ZNF35: variants seen among roughly 807,000 people sequenced by gnomAD.
The protein encoded by ZNF35 is zinc finger protein 35.
In ZNF35, 31 loss-of-function variants were observed where a neutral mutation model predicts 45.9. The observed-to-expected ratio is 0.68, with a 90% CI of 0.51 to 0.91. The LOEUF is 0.91. ZNF35 is among the 40% of genes least tolerant of loss of function. The pLI, the probability that ZNF35 is intolerant of heterozygous loss-of-function variation, is 0.00. For missense variants in ZNF35, 515 were observed against 625.4 expected, an observed-to-expected ratio of 0.82 and a Z score of 1.88; for synonymous variants, 205 against 220.2, an observed-to-expected ratio of 0.93 and a Z score of 0.61.
At chr3:44,658,045 G>A (rs1405660122) in intron 3 of ZNF35, among the ~76,000 whole-genome samples, 1 of 152,172 alleles carries the variant, frequency 6.6e-6, no homozygotes, top group South Asian at 2.1e-4. Context: ...GCTAGTTAGT[G>A]TCAGAGCAGA....
At position 44,653,536 on chromosome 3, in the gene ZNF35, A is replaced by G. The variant is rs149684765; in HGVS notation, c.337+835A>G. Among the ~76,000 whole-genome samples, 486 of 152,354 alleles carry G rather than the reference A, an allele frequency of 3.2e-3. 1 individual carries two copies. Among genetic ancestry groups the G allele is most frequent in the Middle Eastern group, 6.8e-3 (2 of 294 alleles). On this transcript the variant is annotated intron_variant, in intron 3 of 3. Coordinates refer to ENST00000396056, the MANE Select transcript of ZNF35 (RefSeq NM_003420.4). ...GCCTGCAAGAGATGCTAGCCGAGGT[A>G]GGAACAGTCAACTTTTGTGGTGATT...
intron 3 of ZNF35, among the ~76,000 whole-genome samples, chr3:44,658,031 T>C (rs1044492010): frequency 6.6e-6 from 1 of 152,180 alleles, no homozygotes; most frequent in African/African-American, 2.4e-5. Context: ...CCCAAAGTCA[T>C]GGAGCTAGTT....
chr3:44,655,083 A>C (rs1438012678), intron 3 of ZNF35, among the ~76,000 whole-genome samples: 1 of 152,184 alleles, frequency 6.6e-6, no homozygotes, highest in East Asian at 1.9e-4. Flanking sequence ...GCAGTGAGCC[A>C]AGATTGCACC....
At chr3:44,649,609 G>A (rs1048400714) in intron 1 of ZNF35, among the ~76,000 whole-genome samples, 1 of 152,058 alleles carries the variant, frequency 6.6e-6, no homozygotes, top group African/African-American at 2.4e-5. Context: ...AATTAGTGGG[G>A]GTGTGAATTG....
rs567672792 is a variant in ZNF35, at chr3:44,657,210, A to G, written c.338-1491A>G. On this transcript the variant is annotated intron_variant, in intron 3 of 3. Coordinates refer to ENST00000396056, the MANE Select transcript of ZNF35 (RefSeq NM_003420.4). ...CATCCTTGTCCCACCCACTCATATC[A>G]TTGGTTGGATGGTCATCCTATAGAA... Among the ~76,000 whole-genome samples, 53 of 152,150 alleles carry G rather than the reference A, an allele frequency of 3.5e-4. 1 individual carries two copies. Among genetic ancestry groups the G allele is most frequent in the African/African-American group, 8.9e-4 (37 of 41,482 alleles).
Position 44,659,214 on chromosome 3 carries a change from G to A in ZNF35, c.851G>A (p.Gly284Glu), listed in dbSNP as rs775628848. Residue 284 changes from glycine to glutamate, a missense_variant, in exon 4 of 4, where the codon GGG (glycine) becomes GAG (glutamate). Transcript: ENST00000396056. The surrounding 1 kb of genome is among the most constrained non-coding windows in gnomAD (Gnocchi z 4.3). ...GQKPYVCSKC[G>E]KAFTQSSNLT... ...AAACCTTATGTTTGCTCAAAATGTG[G>A]GAAAGCCTTCACTCAGAGTTCAAAT... 1 of 1,614,110 alleles carries A rather than the reference G, an allele frequency of 6.2e-7. No homozygotes were observed. Among genetic ancestry groups the A allele is most frequent in the South Asian group, 1.1e-5 (1 of 91,072 alleles).
upstream of ZNF35, chr3:44,648,288 A>T (rs569009884): frequency 8.5e-5 from 13 of 152,292 alleles, 2 homozygotes; most frequent in South Asian, 2.7e-3. Flanking sequence ...AAGTATTTGG[A>T]ATGAAGTGTT....
chr3:44,653,348 T>G (rs899470121), intron 3 of ZNF35, among the ~76,000 whole-genome samples: 3 of 152,224 alleles, frequency 2.0e-5, no homozygotes, highest in African/African-American at 7.2e-5. Flanking sequence ...AGGATCATTC[T>G]CAGGGTATGC....
intron 2 of ZNF35, among the ~76,000 whole-genome samples, chr3:44,651,928 C>G (rs553212032): frequency 5.3e-5 from 8 of 151,832 alleles, no homozygotes; most frequent in African/African-American, 1.9e-4. Flanking sequence ...ACAATGCTAA[C>G]CAGAGCTTCT....
chr3:44,652,556 G>T lies in ZNF35; in HGVS notation c.193-1G>T. On this transcript the variant is annotated splice_acceptor_variant, in intron 2 of 3. Transcript: ENST00000396056. LOFTEE classifies it high-confidence loss of function. ...TTAAACATGTGCCTGCTTGTCTCTA[G>T]GGTCAGAACATATCCTGGGATATGG... 1 of 1,579,420 alleles carries T rather than the reference G, an allele frequency of 6.3e-7. No homozygotes were observed. Among genetic ancestry groups the T allele is most frequent in the South Asian group, 1.2e-5 (1 of 84,810 alleles).
intron 3 of ZNF35, among the ~76,000 whole-genome samples, chr3:44,655,708 G>C (rs1421102979): frequency 6.6e-6 from 1 of 152,196 alleles, no homozygotes; most frequent in Non-Finnish European, 1.5e-5. Flanking sequence ...CACTTGCCAA[G>C]ACCCCAGGTC....
At chr3:44,652,741 G>A (rs1264720583) in intron 3 of ZNF35, 40 bp downstream of exon 3, 1 of 1,490,836 alleles carries the variant, frequency 6.7e-7, no homozygotes, top group Non-Finnish European at 8.9e-7. Flanking sequence ...GACCATTGGG[G>A]TTTCTCAAAA....
rs1011939472 is a variant in ZNF35 at position 44,655,736 on chromosome 3, G to T, written c.338-2965G>T. 3.3e-5 allele frequency among the ~76,000 whole-genome samples: 5 copies of T among 152,206 alleles called. No individual in the cohort carries two copies. In the South Asian group the frequency reaches 6.2e-4, roughly 19 times the overall value. ...CCCAGGTCTTACTTTACTCAGTGAT[G>T]AATCACTTGCATGAAAACCTTCTAG... On this transcript the variant is annotated intron_variant, in intron 3 of 3. Transcript: ENST00000396056.
intron 1 of ZNF35, among the ~76,000 whole-genome samples, chr3:44,650,196 T>A (rs1703165594): frequency 6.6e-6 from 1 of 152,196 alleles, no homozygotes; most frequent in African/African-American, 2.4e-5. Context: ...TTGTGTAGCA[T>A]TTAAAATAAG....
chr3:44,658,603 G>C, intron 3 of ZNF35, 98 bp from the exon 4 acceptor site: 3 of 1,301,844 alleles, frequency 2.3e-6, no homozygotes, highest in Admixed American at 5.0e-5. Context: ...ATTTTGTGGA[G>C]GTGCTGAAAT....
In ZNF35 at chr3:44,648,755, C is replaced by G. The variant is rs924177918; in HGVS notation, c.-207C>G. The G allele has an allele frequency of 6.6e-6, 1 of 152,222 alleles. No homozygotes were observed. The highest frequency in any genetic ancestry group is 2.4e-5 in the African/African-American group (1 of 41,442). 9.4% of individuals were successfully genotyped at this position (152,222 alleles called of 1,614,324 possible). Reference sequence around the variant, plus strand: ...TCCTGTCCGGTCATTGTTCTCGTGCCGGTAGAAGCTGAAGTACCGGTCAGC... The same window carrying G: ...TCCTGTCCGGTCATTGTTCTCGTGCGGGTAGAAGCTGAAGTACCGGTCAGC... On this transcript the variant is annotated 5_prime_UTR_variant, in exon 1 of 4. Coordinates refer to ENST00000396056, the MANE Select transcript of ZNF35 (RefSeq NM_003420.4).
At chr3:44,653,151 C>T (rs1395504723) in intron 3 of ZNF35, among the ~76,000 whole-genome samples, 1 of 152,190 alleles carries the variant, frequency 6.6e-6, no homozygotes, top group Non-Finnish European at 1.5e-5. Flanking sequence ...TTTCACTTAA[C>T]ACCCTCTCCC....
chr3:44,647,719 A>G (rs555932848), upstream of ZNF35: 207 of 152,356 alleles, frequency 1.4e-3, 1 homozygote, highest in African/African-American at 4.9e-3. Flanking sequence ...CTGTATGAAA[A>G]TATTCATATA....
Position 44,659,498 on chromosome 3 carries a change from G to A in ZNF35, c.1135G>A (p.Val379Ile). 6.2e-7 allele frequency: 1 copy of A among 1,613,412 alleles called. No homozygotes were observed. Among genetic ancestry groups the A allele is most frequent in the Non-Finnish European group, 8.5e-7 (1 of 1,179,858 alleles). Reference sequence around the variant, plus strand: ...CTTTACCCAGAGTGCAAATCTTATTGTACATCAGCGAAGCCATACTGGTGA... The same window carrying A: ...CTTTACCCAGAGTGCAAATCTTATTATACATCAGCGAAGCCATACTGGTGA... The part of the protein sequence containing the change: ...KAFTQSANLI[V>I]HQRSHTGEKP... Residue 379 changes from valine to isoleucine, a missense_variant, in exon 4 of 4, where the codon GTA becomes ATA. By Grantham distance (29) the Val-to-Ile change is conservative. Coordinates refer to ENST00000396056, the MANE Select transcript of ZNF35 (RefSeq NM_003420.4). This position sits in a 1 kb window ranked among gnomAD's most constrained non-coding sequence, Gnocchi z 4.3.
Sources: allele counts gnomAD v4.1 joint callset (sites outside exome capture counted in the v4.1 genomes callset), GRCh38; gene constraint gnomAD v4.1.1; non-coding constraint Gnocchi (gnomAD v3.1); transcripts MANE v1.5; gene names NCBI Gene and HGNC (gene_info 2026-07-23, HGNC 2026-07-21).